SDAD1: variants seen among roughly 807,000 people sequenced by gnomAD.
SDAD1 encodes protein SDA1 homolog.
In SDAD1, 79 loss-of-function variants were observed where a neutral mutation model predicts 100.3. That is an observed-to-expected ratio of 0.79 (90% CI 0.66 to 0.95). The LOEUF (loss-of-function observed/expected upper bound fraction) is 0.95, where lower values mean the gene tolerates loss of function less well. Ranked by LOEUF, SDAD1 falls within the 40% of genes least tolerant of loss-of-function variation. The pLI, the probability that SDAD1 is intolerant of heterozygous loss-of-function variation, is 0.00. For missense variants in SDAD1, 790 were observed against 810.9 expected, an observed-to-expected ratio of 0.97 and a Z score of 0.31; for synonymous variants, 267 against 271.4, an observed-to-expected ratio of 0.98 and a Z score of 0.16.
intron 16 of SDAD1, among the ~76,000 whole-genome samples, chr4:75,960,771 G>T (rs1289461944): frequency 6.6e-6 from 1 of 152,204 alleles, no homozygotes; most frequent in Non-Finnish European, 1.5e-5. Context: ...ATTCCGATCT[G>T]TTAATAACAT....
intron 4 of SDAD1, among the ~76,000 whole-genome samples, chr4:75,976,399 A>C (rs987621531): frequency 6.6e-6 from 1 of 152,254 alleles, no homozygotes; most frequent in African/African-American, 2.4e-5. Flanking sequence ...AAAGGAATAA[A>C]GTACTGATAC....
chr4:75,960,423 C>T (rs112861558), intron 16 of SDAD1, among the ~76,000 whole-genome samples: 4 of 152,150 alleles, frequency 2.6e-5, no homozygotes, highest in African/African-American at 4.8e-5. Flanking sequence ...ACTACAGGCA[C>T]GCACCACCAC....
At chr4:75,976,091 AT>A in intron 4 of SDAD1, 96 bp from the exon 5 acceptor site, 1 of 706,522 alleles carries the variant, frequency 1.4e-6, no homozygotes. Flanking sequence ...GGATGACTTA[AT>A]TTTACCTATT....
At chr4:75,962,233 C>T (rs574477042) in intron 14 of SDAD1, among the ~76,000 whole-genome samples, 1 of 152,128 alleles carries the variant, frequency 6.6e-6, no homozygotes, top group African/African-American at 2.4e-5. Flanking sequence ...TGAACTCATC[C>T]TTTTTTATGG....
chr4:75,959,184 C>T (rs1729094150), intron 17 of SDAD1, among the ~76,000 whole-genome samples: 2 of 151,484 alleles, frequency 1.3e-5, no homozygotes, highest in Non-Finnish European at 2.9e-5. Flanking sequence ...TATGCCCCCA[C>T]CCACTCCAAT....
rs370225303 is a variant in SDAD1, at chr4:75,970,349, C to T, written c.843G>A (p.Val281=). 11 of 1,613,762 alleles carry T rather than the reference C, an allele frequency of 6.8e-6. No individual in the cohort carries two copies. The highest frequency in any genetic ancestry group is 1.6e-4 in the Middle Eastern group (1 of 6,078). Residue 281 remains valine, a synonymous_variant, in exon 10 of 22, where the codon GTG becomes GTA. Transcript: ENST00000356260. ...TCAAGTGAATGGCTGAAAAGTTAAA[C>T]ACCTCTGGTTTTTTCTTCTTTTTTT... ...KKQKKKKKPE[V]FNFSAIHLIH... is the part of the protein sequence containing the mutation.
intron 3 of SDAD1, 91 bp downstream of exon 3, chr4:75,981,281 T>C (rs1730492284): frequency 2.6e-6 from 3 of 1,169,568 alleles, no homozygotes; most frequent in Non-Finnish European, 2.5e-6. Context: ...TTTCTGAAGA[T>C]AATTAGCTTA....
At chr4:75,988,081 C>T (rs1409805488) in intron 1 of SDAD1, among the ~76,000 whole-genome samples, 2 of 152,144 alleles carry the variant, frequency 1.3e-5, no homozygotes, top group Admixed American at 1.3e-4. Context: ...CTGTTACCAT[C>T]CTAGCACCAC....
At chr4:75,965,981 T>C (rs1393673817) in intron 12 of SDAD1, among the ~76,000 whole-genome samples, 159 bp from the exon 13 acceptor site, 1 of 152,068 alleles carries the variant, frequency 6.6e-6, no homozygotes, top group Non-Finnish European at 1.5e-5. Context: ...ACCCCCTCAC[T>C]TTCTTCAGGT....
intron 21 of SDAD1, among the ~76,000 whole-genome samples, chr4:75,952,270 A>T (rs932502068): frequency 6.6e-6 from 1 of 152,238 alleles, no homozygotes; most frequent in Non-Finnish European, 1.5e-5. Context: ...GGAATAGTGA[A>T]GTCTCATGCT....
At chr4:75,989,514 C>T (rs1226103574) in intron 1 of SDAD1, among the ~76,000 whole-genome samples, 1 of 152,162 alleles carries the variant, frequency 6.6e-6, no homozygotes, top group African/African-American at 2.4e-5. Flanking sequence ...TGTGATTTTG[C>T]ATATATACTT....
chr4:75,972,270 C>G (rs1369710095), intron 8 of SDAD1, among the ~76,000 whole-genome samples: 1 of 152,016 alleles, frequency 6.6e-6, no homozygotes, highest in Admixed American at 6.6e-5. Context: ...TTGTTGACAA[C>G]CCGCTTGGGT....
intron 21 of SDAD1, among the ~76,000 whole-genome samples, chr4:75,955,483 G>A (rs1308760407): frequency 1.3e-5 from 2 of 152,150 alleles, no homozygotes; most frequent in African/African-American, 4.8e-5. Flanking sequence ...AGCCTGGGAG[G>A]TCGAGGCTGC....
chr4:75,963,274 A>ATGCTGTTTTGGTACCAGTACCG (rs1729351499), intron 14 of SDAD1, among the ~76,000 whole-genome samples: 1 of 151,882 alleles, frequency 6.6e-6, no homozygotes, highest in African/African-American at 2.4e-5. Flanking sequence ...TACCAGTACC[A>ATGCTGTTTTGGTACCAGTACCG]TGCTGTTTTG....
intron 21 of SDAD1, 97 bp from the exon 22 acceptor site, chr4:75,950,894 C>CA (rs1728596968): frequency 1.5e-6 from 1 of 679,870 alleles, no homozygotes; most frequent in Admixed American, 2.4e-5. Context: ...ATCACCAAGT[C>CA]AATACACCAT....
chr4:75,957,806 T>G, intron 18 of SDAD1, 41 bp downstream of exon 18: 1 of 1,612,450 alleles, frequency 6.2e-7, no homozygotes, highest in Non-Finnish European at 8.5e-7. Flanking sequence ...AAATTACGTC[T>G]TAATAAACAC....
At chr4:75,979,663 C>G (rs935255918) in intron 3 of SDAD1, among the ~76,000 whole-genome samples, 1 of 152,054 alleles carries the variant, frequency 6.6e-6, no homozygotes, top group Non-Finnish European at 1.5e-5. Context: ...CCATGTAGGT[C>G]AGGCTGGTCT....
chr4:75,970,098 C>T (rs1197295270), intron 10 of SDAD1, among the ~76,000 whole-genome samples: 2 of 151,888 alleles, frequency 1.3e-5, no homozygotes, highest in Non-Finnish European at 2.9e-5. Flanking sequence ...CAGAAACATC[C>T]GTTTTTCCAT....
At chr4:75,956,239 C>T (rs1728885721) in intron 20 of SDAD1, 103 bp from the exon 21 acceptor site, 1 of 1,276,160 alleles carries the variant, frequency 7.8e-7, no homozygotes, top group Admixed American at 2.5e-5. Flanking sequence ...TACTAGGTGC[C>T]AAGGGCACAG....
Sources: gnomAD v4.1 joint callset for allele counts (sites outside exome capture counted in the v4.1 genomes callset) on GRCh38, gnomAD v4.1.1 for gene constraint, MANE v1.5 for transcripts, NCBI Gene and HGNC (gene_info 2026-07-23, HGNC 2026-07-21) for gene names.